CNBD1: variants seen among roughly 807,000 people sequenced by gnomAD.
CNBD1 encodes cyclic nucleotide-binding domain-containing protein 1.
Under a neutral mutation model 54.4 loss-of-function variants are expected in CNBD1, and 71 were observed. The observed-to-expected ratio is 1.30, with a 90% CI of 1.08 to 1.59. The LOEUF (loss-of-function observed/expected upper bound fraction) is 1.59. CNBD1 is among the 40% of genes most tolerant of loss of function. The pLI is 0.00. For missense variants in CNBD1, 659 were observed against 518.0 expected, an observed-to-expected ratio of 1.27 and a Z score of -2.64; for synonymous variants, 182 against 170.7, an observed-to-expected ratio of 1.07 and a Z score of -0.51.
At chr8:87,037,305 A>G (rs927145646) in intron 4 of CNBD1, among the ~76,000 whole-genome samples, 1 of 152,086 alleles carries the variant, frequency 6.6e-6, no homozygotes, top group South Asian at 2.1e-4. Flanking sequence ...CTTTGCAGTG[A>G]TATACTTCTA....
intron 1 of CNBD1, among the ~76,000 whole-genome samples, chr8:86,883,987 TA>T (rs529727608): frequency 3.3e-5 from 5 of 151,764 alleles, no homozygotes; most frequent in East Asian, 2.0e-4. Flanking sequence ...CCGTCTCTAC[TA>T]AAAAATACAA....
intron 4 of CNBD1, among the ~76,000 whole-genome samples, chr8:87,176,546 C>G (rs567234042): frequency 6.7e-6 from 1 of 149,018 alleles, no homozygotes; most frequent in Non-Finnish European, 1.5e-5. Context: ...TGCAGTGGCA[C>G]AATCTCGGCT....
chr8:87,394,160 T>G (rs1811367760), intron 2 of CNBD1, among the ~76,000 whole-genome samples: 1 of 151,898 alleles, frequency 6.6e-6, no homozygotes, highest in African/African-American at 2.4e-5. Flanking sequence ...TATGAGCATG[T>G]TACACTATGG....
At chr8:86,933,171 A>G (rs144538211) in intron 3 of CNBD1, among the ~76,000 whole-genome samples, 77 of 152,228 alleles carry the variant, frequency 5.1e-4, no homozygotes, top group African/African-American at 1.8e-3. Context: ...TGGAGTCTAT[A>G]ATTTCTGAGG....
chr8:87,185,402 G>T (rs749995116), intron 4 of CNBD1, among the ~76,000 whole-genome samples: 3 of 151,982 alleles, frequency 2.0e-5, no homozygotes, highest in Non-Finnish European at 4.4e-5. Context: ...ATTTTACCTT[G>T]GTGGCTGCTG....
At chr8:86,983,983 G>T (rs1437377957) in intron 4 of CNBD1, among the ~76,000 whole-genome samples, 2 of 152,130 alleles carry the variant, frequency 1.3e-5, no homozygotes, top group Non-Finnish European at 2.9e-5. Flanking sequence ...TGTCTCCAGG[G>T]CATGTCAGAG....
At chr8:86,975,144 G>A (rs1349095089) in intron 4 of CNBD1, among the ~76,000 whole-genome samples, 2 of 151,910 alleles carry the variant, frequency 1.3e-5, no homozygotes, top group Middle Eastern at 3.2e-3. Context: ...TATTTTGTAT[G>A]GCTTACAGTG....
At chr8:87,099,046 A>AC (rs1563468152) in intron 4 of CNBD1, among the ~76,000 whole-genome samples, 3 of 150,612 alleles carry the variant, frequency 2.0e-5, no homozygotes, top group East Asian at 1.9e-4. Flanking sequence ...AAAAAAAAAA[A>AC]AAAAAAAAAA....
intron 4 of CNBD1, among the ~76,000 whole-genome samples, chr8:87,112,797 A>G (rs989432299): frequency 6.6e-6 from 1 of 152,150 alleles, no homozygotes; most frequent in Non-Finnish European, 1.5e-5. Flanking sequence ...GCTACTGAGA[A>G]ATTCAGTTTT....
intron 8 of CNBD1, among the ~76,000 whole-genome samples, chr8:87,339,378 C>T (rs1445500927): frequency 2.6e-5 from 4 of 152,046 alleles, no homozygotes; most frequent in East Asian, 3.9e-4. Context: ...CCTACGCTCG[C>T]GTCATTTCCC....
intron 2 of CNBD1, among the ~76,000 whole-genome samples, chr8:87,418,028 C>T (rs1051529829): frequency 2.0e-5 from 3 of 151,750 alleles, no homozygotes; most frequent in Non-Finnish European, 2.9e-5. Context: ...TCCTGCTCTC[C>T]GTTTTTGCAG....
intron 4 of CNBD1, among the ~76,000 whole-genome samples, chr8:87,030,823 C>A (rs1340563129): frequency 6.9e-6 from 1 of 144,848 alleles, no homozygotes; most frequent in Non-Finnish European, 1.5e-5. Context: ...GCCATGTCTC[C>A]TCCTCCCCTT....
At chr8:87,371,816 T>C (rs1810809893) in intron 10 of CNBD1, among the ~76,000 whole-genome samples, 1 of 151,922 alleles carries the variant, frequency 6.6e-6, no homozygotes, top group African/African-American at 2.4e-5. Flanking sequence ...CTCAATAAAT[T>C]AGGTATTGAC....
At chr8:87,194,965 C>A (rs1813684722) in intron 4 of CNBD1, among the ~76,000 whole-genome samples, 1 of 152,082 alleles carries the variant, frequency 6.6e-6, no homozygotes, top group Admixed American at 6.5e-5. Context: ...CTCACTGCAA[C>A]CTCCGCCTCC....
chr8:87,134,585 T>C (rs1486135719), intron 4 of CNBD1, among the ~76,000 whole-genome samples: 1 of 150,132 alleles, frequency 6.7e-6, no homozygotes, highest in Non-Finnish European at 1.5e-5. Context: ...CCTTTGTTAA[T>C]TAGATTACCT....
intron 2 of CNBD1, among the ~76,000 whole-genome samples, chr8:87,421,654 T>A (rs1345471112): frequency 6.6e-6 from 1 of 151,808 alleles, no homozygotes; most frequent in Admixed American, 6.6e-5. Flanking sequence ...TGTGCCACAT[T>A]TTCTTAATCC....
intron 4 of CNBD1, among the ~76,000 whole-genome samples, chr8:87,194,208 A>G (rs1330722838): frequency 6.6e-6 from 1 of 152,212 alleles, no homozygotes; most frequent in African/African-American, 2.4e-5. Flanking sequence ...TTGGGGAACA[A>G]TGGCCTAGTG....
intron 8 of CNBD1, among the ~76,000 whole-genome samples, chr8:87,337,832 G>A (rs528542599): frequency 2.6e-5 from 4 of 152,234 alleles, no homozygotes; most frequent in South Asian, 2.1e-4. Flanking sequence ...TGAATACCTC[G>A]GTTGCTGGGT....
At chr8:87,234,453 G>A (rs1807530958) in intron 5 of CNBD1, among the ~76,000 whole-genome samples, 1 of 152,188 alleles carries the variant, frequency 6.6e-6, no homozygotes, top group Admixed American at 6.5e-5. Context: ...TGAATGTTGT[G>A]TTAGCAGGCA....
Sources: gnomAD v4.1 joint callset for allele counts (sites outside exome capture counted in the v4.1 genomes callset) on GRCh38, gnomAD v4.1.1 for gene constraint, MANE v1.5 for transcripts, NCBI Gene and HGNC (gene_info 2026-07-23, HGNC 2026-07-21) for gene names.